TOX2: variants seen among roughly 807,000 people sequenced by gnomAD.
TOX2 encodes TOX high mobility group box family member 2.
TOX2 carries 15 observed loss-of-function variants against 47.4 expected under a neutral mutation model. That is an observed-to-expected ratio of 0.32 (90% CI 0.21 to 0.49). The LOEUF (loss-of-function observed/expected upper bound fraction) is 0.49. Among genes scored for constraint, TOX2 ranks in the 20% least tolerant of loss-of-function variants. The pLI, the probability that TOX2 is intolerant of heterozygous loss-of-function variation, is 0.99. For synonymous variants in TOX2, 290 were observed against 296.6 expected, an observed-to-expected ratio of 0.98 and a Z score of 0.23; for missense variants, 622 against 673.1, an observed-to-expected ratio of 0.92 and a Z score of 0.84.
intron 3 of TOX2, among the ~76,000 whole-genome samples, chr20:44,045,663 CCAGTAAACT>C (rs1569130221): frequency 7.9e-5 from 12 of 152,240 alleles, no homozygotes; most frequent in African/African-American, 2.9e-4. Flanking sequence ...CATAAATGGT[CCAGTAAACT>C]TATGAAAAGG....
intron 1 of TOX2, among the ~76,000 whole-genome samples, chr20:43,927,941 A>T (rs2867777): frequency 6.6e-6 from 1 of 152,072 alleles, no homozygotes; most frequent in Non-Finnish European, 1.5e-5. Flanking sequence ...AGAAATAAAC[A>T]ATTTCAAATG....
intron 2 of TOX2, among the ~76,000 whole-genome samples, chr20:43,980,902 G>C (rs1569059281): frequency 1.3e-5 from 2 of 152,060 alleles, no homozygotes; most frequent in Non-Finnish European, 2.9e-5. Flanking sequence ...ACCAGCATAA[G>C]TAAAGTCAGT....
At chr20:44,006,355 G>T (rs1412973285) in intron 2 of TOX2, among the ~76,000 whole-genome samples, 192 bp from the exon 3 acceptor site, 1 of 152,198 alleles carries the variant, frequency 6.6e-6, no homozygotes, top group African/African-American at 2.4e-5. Flanking sequence ...GGAAACATCT[G>T]TTTGGGGATA....
rs78210633 is a variant in TOX2 at position 44,023,696 on chromosome 20, C to G, written c.411+16904C>G. ...CCTGGGAGGCGCATGCTCAGGGAGCCGAGGAGCTGCAGCTGGTGCTCTCAG... is the reference window on the plus strand; with the variant it reads ...CCTGGGAGGCGCATGCTCAGGGAGCGGAGGAGCTGCAGCTGGTGCTCTCAG... On this transcript the variant is annotated intron_variant, in intron 3 of 8. Transcript: ENST00000341197. Among the ~76,000 whole-genome samples the G allele has an allele frequency of 9.9e-3, 1,511 of 152,300 alleles. 26 individuals carry two copies. Among genetic ancestry groups the G allele is most frequent in the African/African-American group, 0.035 (1,461 of 41,566 alleles).
At chr20:43,969,098 G>A (rs1216545825) in intron 1 of TOX2, among the ~76,000 whole-genome samples, 1 of 152,224 alleles carries the variant, frequency 6.6e-6, no homozygotes, top group Non-Finnish European at 1.5e-5. Flanking sequence ...CTTTCCTTGT[G>A]TGCGTGCTGT....
intron 3 of TOX2, among the ~76,000 whole-genome samples, chr20:44,025,134 G>A (rs1326653712): frequency 6.6e-6 from 1 of 152,136 alleles, no homozygotes; most frequent in Non-Finnish European, 1.5e-5. Flanking sequence ...TTCTTTGGGA[G>A]TGGTGAAAAG....
In TOX2 at chr20:44,068,796, A is replaced by C. The variant is rs528822269; in HGVS notation, c.*110A>C. ...AGAGGCAGGGTGGCCCATCGGAGAG[A>C]GCAGTGACACACCCATTGCCCGGGG... On this transcript the variant is annotated 3_prime_UTR_variant, in exon 9 of 9. Transcript: ENST00000341197. 3.5e-5 allele frequency: 50 copies of C among 1,438,986 alleles called. 1 individual carries two copies. In the South Asian group the frequency reaches 5.6e-4, roughly 16 times the overall value. 89.1% of individuals were successfully genotyped at this position (1,438,986 alleles called of 1,614,324 possible).
chr20:43,995,950 T>C (rs745508576), intron 2 of TOX2, among the ~76,000 whole-genome samples: 55 of 152,352 alleles, frequency 3.6e-4, no homozygotes, highest in Admixed American at 1.3e-3. Context: ...TCCATGTTTG[T>C]TGTGAATAGT....
intron 2 of TOX2, among the ~76,000 whole-genome samples, chr20:44,006,026 C>G (rs2070673764): frequency 1.3e-5 from 2 of 152,026 alleles, no homozygotes; most frequent in South Asian, 2.1e-4. Context: ...GATGTTTGTG[C>G]CATTTACCAA....
At chr20:44,068,505 A>T in intron 8 of TOX2, 145 bp from the exon 9 acceptor site, 8 of 705,692 alleles carry the variant, frequency 1.1e-5, no homozygotes, top group East Asian at 7.0e-5. Context: ...TGGGGGTGGG[A>T]CTTGCAGATG....
intron 1 of TOX2, among the ~76,000 whole-genome samples, chr20:43,954,784 T>A (rs189823958): frequency 2.2e-4 from 33 of 152,328 alleles, no homozygotes; most frequent in African/African-American, 7.7e-4. Context: ...TCTGGGAGGA[T>A]CCACGAGGGT....
intron 7 of TOX2, among the ~76,000 whole-genome samples, chr20:44,066,349 C>A (rs1481019386): frequency 6.6e-6 from 1 of 152,178 alleles, no homozygotes; most frequent in Non-Finnish European, 1.5e-5. Flanking sequence ...CCAGTCCCCC[C>A]TTCCTGCATC....
At chr20:44,031,614 C>T (rs1398626723) in intron 3 of TOX2, among the ~76,000 whole-genome samples, 2 of 152,126 alleles carry the variant, frequency 1.3e-5, no homozygotes, top group African/African-American at 2.4e-5. Flanking sequence ...AAAGAACCAA[C>T]CGAGAATACA....
Position 43,915,865 on chromosome 20 carries a change from C to T in TOX2, c.99+875C>T, listed in dbSNP as rs191348087. On this transcript the variant is annotated intron_variant, in intron 1 of 8. Coordinates refer to ENST00000341197, the MANE Select transcript of TOX2 (RefSeq NM_001098797.2). This position sits in a 1 kb window ranked among gnomAD's most constrained non-coding sequence, Gnocchi z 7.1. ...TCCATGTTTCCAGGATCTATCCCCC[C>T]ACCCCAGCCAGGTCCCAGCTGCGCT... Among the ~76,000 whole-genome samples, 20 of 152,352 alleles carry T rather than the reference C, an allele frequency of 1.3e-4. No individual in the cohort carries two copies. The East Asian group carries it at 2.5e-3, about 19-fold the overall frequency.
chr20:44,027,418 C>T (rs2071083580), intron 3 of TOX2, among the ~76,000 whole-genome samples: 1 of 152,188 alleles, frequency 6.6e-6, no homozygotes, highest in South Asian at 2.1e-4. Context: ...CACCAGGCTT[C>T]CTGCCTTGAG....
intron 2 of TOX2, among the ~76,000 whole-genome samples, chr20:43,988,737 G>A (rs752969142): frequency 6.6e-6 from 1 of 152,164 alleles, no homozygotes; most frequent in Non-Finnish European, 1.5e-5. Context: ...TGGTACACAT[G>A]CTGTTTAGAC....
chr20:43,959,684 T>A (rs2069725434), intron 1 of TOX2, among the ~76,000 whole-genome samples: 1 of 152,236 alleles, frequency 6.6e-6, no homozygotes, highest in South Asian at 2.1e-4. Context: ...TCAGTCACAC[T>A]CGTTCCCCCC....
chr20:43,961,091 A>T (rs1281671357), intron 1 of TOX2, among the ~76,000 whole-genome samples: 1 of 152,272 alleles, frequency 6.6e-6, no homozygotes, highest in African/African-American at 2.4e-5. Context: ...TTATGGCGCT[A>T]GGGTCCAATA....
At chr20:44,068,389 C>G (rs1569156963) in intron 8 of TOX2, among the ~76,000 whole-genome samples, 1 of 151,916 alleles carries the variant, frequency 6.6e-6, no homozygotes, top group Non-Finnish European at 1.5e-5. Context: ...GCGTGCGCCT[C>G]GATGAAAGAC....
Sources: gnomAD v4.1 joint callset for allele counts (sites outside exome capture counted in the v4.1 genomes callset) on GRCh38, gnomAD v4.1.1 for gene constraint, Gnocchi (gnomAD v3.1) non-coding constraint, MANE v1.5 for transcripts, NCBI Gene and HGNC (gene_info 2026-07-23, HGNC 2026-07-21) for gene names.